The following MRPL13 variants were observed in gnomAD, a reference collection of about 807,000 sequenced individuals.
MRPL13 encodes mitochondrial ribosomal protein L13, also known as large ribosomal subunit protein uL13m.
Under a neutral mutation model 29.0 loss-of-function variants are expected in MRPL13, and 33 were observed. That is an observed-to-expected ratio of 1.14 (90% CI 0.86 to 1.52). MRPL13 has a LOEUF of 1.52. Among genes scored for constraint, MRPL13 ranks in the 40% most tolerant of loss-of-function variants. The probability of loss-of-function intolerance (pLI) is 0.00; values close to 1 mark genes in which losing one functional copy is unlikely to be tolerated. For synonymous variants in MRPL13, 77 were observed against 68.4 expected (o/e 1.13, Z -0.62); for missense variants, 227 against 216.7 (o/e 1.05, Z -0.30).
intron 5 of MRPL13, chr8:120,415,528 C>T (rs1266709529): frequency 1.3e-5 from 2 of 152,058 alleles, no homozygotes; most frequent in Admixed American, 1.3e-4. Flanking sequence ...GTCCTGTAAG[C>T]TTGTTCTAAA....
At chr8:120,417,209 C>A (rs1281937158) in intron 5 of MRPL13, among the ~76,000 whole-genome samples, 1 of 152,192 alleles carries the variant, frequency 6.6e-6, no homozygotes, top group Non-Finnish European at 1.5e-5. Flanking sequence ...TAGCAGGAGG[C>A]ACCTGATGTC....
chr8:120,396,671 C>T (rs1163753253), intron 6 of MRPL13, among the ~76,000 whole-genome samples: 1 of 152,062 alleles, frequency 6.6e-6, no homozygotes, highest in East Asian at 1.9e-4. Context: ...ATTAACCACA[C>T]CTGAGAGCTG....
rs367890575 is a variant in MRPL13, at chr8:120,443,292, G to C, written c.44C>G (p.Ala15Gly). 9 of 1,570,612 alleles carry C rather than the reference G, an allele frequency of 5.7e-6. No individual in the cohort carries two copies. Among genetic ancestry groups the C allele is most frequent in the Non-Finnish European group, 6.0e-6 (7 of 1,164,210 alleles). ...SRAPQQWATF[A>G]RIWYLLDGKM... is the part of the protein sequence containing the mutation. ...CCCATCTAAGAGATACCATATTCTA[G>C]CAAAAGTGGCCCATTGCTTGGGGGG... Residue 15 changes from alanine to glycine, a missense_variant, in exon 2 of 7, where the codon GCT (alanine) becomes GGT (glycine). Coordinates refer to ENST00000306185, the MANE Select transcript of MRPL13 (RefSeq NM_014078.6).
intron 6 of MRPL13, among the ~76,000 whole-genome samples, chr8:120,412,467 G>A (rs1586920381): frequency 6.6e-6 from 1 of 152,156 alleles, no homozygotes; most frequent in African/African-American, 2.4e-5. Context: ...AGTATGGAGT[G>A]GCTCTAATTT....
intron 6 of MRPL13, among the ~76,000 whole-genome samples, chr8:120,407,508 T>C (rs1048881959): frequency 6.6e-6 from 1 of 151,858 alleles, no homozygotes; most frequent in Admixed American, 6.6e-5. Flanking sequence ...TAGCTGGGCG[T>C]GGTGGCGGGC....
At position 120,429,725 on chromosome 8, in the gene MRPL13, G is replaced by A. The variant is rs377134059; in HGVS notation, c.245+2305C>T. Among the ~76,000 whole-genome samples the A allele has an allele frequency of 7.3e-4, 111 of 152,190 alleles. 1 individual carries two copies. Among genetic ancestry groups the A allele is most frequent in the African/African-American group, 2.6e-3 (106 of 41,524 alleles). The stretch of plus-strand genomic sequence containing the variant: ...ACAGTTATCCCTCTCCATCTGTGGA[G>A]GACTAGTTCCAGGACCTCCTGAGCA... On this transcript the variant is annotated intron_variant, in intron 3 of 6. Coordinates refer to ENST00000306185, the MANE Select transcript of MRPL13 (RefSeq NM_014078.6).
Position 120,395,907 on chromosome 8 carries a change from A to G in MRPL13, c.*197T>C. On this transcript the variant is annotated 3_prime_UTR_variant, in exon 7 of 7. Coordinates refer to ENST00000306185, the MANE Select transcript of MRPL13 (RefSeq NM_014078.6). ...AACATTCAAATCAGATTACATAAAAATGGTTCTATAAAATTATATTTTAAT... is the reference window on the plus strand; with the variant it reads ...AACATTCAAATCAGATTACATAAAAGTGGTTCTATAAAATTATATTTTAAT... 2.1e-6 allele frequency: 1 copy of G among 482,612 alleles called. No individual in the cohort carries two copies. The highest frequency in any genetic ancestry group is 3.7e-6 in the Non-Finnish European group (1 of 270,894). The allele number at this position is 482,612 out of a possible 1,614,324, so 29.9% of individuals were successfully genotyped here. A position where few individuals can be genotyped will look rare whatever the true frequency, so the allele number is the denominator to read the frequency against.
chr8:120,440,415 TG>T (rs1489082596), intron 2 of MRPL13, among the ~76,000 whole-genome samples: 3 of 152,118 alleles, frequency 2.0e-5, no homozygotes, highest in Non-Finnish European at 4.4e-5. Context: ...CAGACCAGCC[TG>T]GCAACATGGT....
intron 6 of MRPL13, among the ~76,000 whole-genome samples, chr8:120,405,725 T>C (rs1301891365): frequency 6.6e-5 from 10 of 152,234 alleles, no homozygotes; most frequent in Admixed American, 6.5e-4. Flanking sequence ...CAAATGTATT[T>C]AGGTTCTTTA....
chr8:120,397,800 G>A (rs1199416106), intron 6 of MRPL13, among the ~76,000 whole-genome samples: 1 of 151,948 alleles, frequency 6.6e-6, no homozygotes, highest in Non-Finnish European at 1.5e-5. Flanking sequence ...CCAGCTCCAG[G>A]GAGTCCAGGC....
At chr8:120,430,887 T>C (rs1252748128) in intron 3 of MRPL13, among the ~76,000 whole-genome samples, 5 of 152,210 alleles carry the variant, frequency 3.3e-5, no homozygotes, top group Non-Finnish European at 5.9e-5. Flanking sequence ...GTAATTACCA[T>C]AGCATTTTGT....
chr8:120,428,126 T>TAAAAAAAAAAA (rs144856034), intron 3 of MRPL13, among the ~76,000 whole-genome samples: 1 of 110,392 alleles, frequency 9.1e-6, no homozygotes, highest in South Asian at 2.9e-4. Context: ...ATGGTACTGA[T>TAAAAAAAAAAA]AAAAAAAAAA....
chr8:120,420,041 C>T, intron 4 of MRPL13, 103 bp from the exon 5 acceptor site: 1 of 668,044 alleles, frequency 1.5e-6, no homozygotes, highest in Non-Finnish European at 2.2e-6. Context: ...TTAGATTCAA[C>T]ACGAATATAG....
chr8:120,414,119 TAAAA>T lies in MRPL13; in HGVS notation c.394-11_394-8del. ...GAATATCTTCTGGAATATACTACAT[TAAAA>T]AAAAATTTAGACTTAATTTTCTTAA... On this transcript the variant is annotated splice_polypyrimidine_tract_variant and splice_region_variant and intron_variant, in intron 5 of 6. Transcript: ENST00000306185. 1 of 1,507,646 alleles carries T rather than the reference TAAAA, an allele frequency of 6.6e-7. No individual in the cohort carries two copies. Among genetic ancestry groups the T allele is most frequent in the Non-Finnish European group, 8.8e-7 (1 of 1,132,336 alleles). 93.4% of individuals were successfully genotyped at this position (1,507,646 alleles called of 1,614,324 possible). A position where few individuals can be genotyped will look rare whatever the true frequency, so the allele number is the denominator to read the frequency against.
At chr8:120,436,230 A>C (rs1282752005) in intron 2 of MRPL13, among the ~76,000 whole-genome samples, 1 of 152,120 alleles carries the variant, frequency 6.6e-6, no homozygotes, top group Non-Finnish European at 1.5e-5. Context: ...CAGTAAGCTC[A>C]TGTTTAGTTT....
At position 120,435,953 on chromosome 8, in the gene MRPL13, T is replaced by C. The variant is rs377060227; in HGVS notation, c.152-3830A>G. ...TTGAAGTGTCTCTTTATGTATGTCCTTTGCCCACTTTTTTATAGGGTTGTT... is the reference window on the plus strand; with the variant it reads ...TTGAAGTGTCTCTTTATGTATGTCCCTTGCCCACTTTTTTATAGGGTTGTT... On this transcript the variant is annotated intron_variant, in intron 2 of 6. Transcript: ENST00000306185. Among the ~76,000 whole-genome samples the C allele has an allele frequency of 7.3e-4, 111 of 152,290 alleles. 1 individual carries two copies. Among genetic ancestry groups the C allele is most frequent in the African/African-American group, 2.5e-3 (106 of 41,582 alleles).
intron 6 of MRPL13, among the ~76,000 whole-genome samples, chr8:120,400,268 A>G (rs753402739): frequency 6.6e-6 from 1 of 152,006 alleles, no homozygotes; most frequent in East Asian, 1.9e-4. Flanking sequence ...AACTGAAATC[A>G]TAACAGTCTC....
intron 2 of MRPL13, among the ~76,000 whole-genome samples, chr8:120,441,905 T>C (rs997523166): frequency 5.9e-5 from 9 of 152,204 alleles, no homozygotes; most frequent in Non-Finnish European, 1.2e-4. Flanking sequence ...ATAAAAAATA[T>C]ATGATAAAAT....
At chr8:120,423,949 T>C (rs1235768999) in intron 4 of MRPL13, among the ~76,000 whole-genome samples, 1 of 152,124 alleles carries the variant, frequency 6.6e-6, no homozygotes, top group East Asian at 1.9e-4. Flanking sequence ...AGGGCTTTCA[T>C]TGATTTGGAA....
Sources: gnomAD v4.1 joint callset for allele counts (sites outside exome capture counted in the v4.1 genomes callset) on GRCh38, gnomAD v4.1.1 for gene constraint, MANE v1.5 for transcripts, NCBI Gene and HGNC (gene_info 2026-07-23, HGNC 2026-07-21) for gene names.